CRACR2A: variants seen among roughly 807,000 people sequenced by gnomAD.
The protein encoded by CRACR2A is EF-hand calcium-binding domain-containing protein 4B.
CRACR2A carries 79 observed loss-of-function variants against 90.5 expected under a neutral mutation model. That is an observed-to-expected ratio of 0.87 (90% CI 0.73 to 1.05). The LOEUF is 1.05. Among genes scored for constraint, CRACR2A ranks in the 50% least tolerant of loss-of-function variants. CRACR2A has a pLI of 0.00. For missense variants in CRACR2A, 823 were observed against 897.2 expected (o/e 0.92, Z 1.06); for synonymous variants, 338 against 356.7 (o/e 0.95, Z 0.59).
chr12:3,692,726 T>A (rs772748686), intron 4 of CRACR2A, among the ~76,000 whole-genome samples: 124 of 152,108 alleles, frequency 8.2e-4, no homozygotes, highest in Non-Finnish European at 1.5e-3. Flanking sequence ...TGCCTCTGTG[T>A]GGGTGTTCAG....
intron 12 of CRACR2A, among the ~76,000 whole-genome samples, chr12:3,642,667 T>C (rs1166123897): frequency 6.6e-6 from 1 of 152,260 alleles, no homozygotes; most frequent in Non-Finnish European, 1.5e-5. Flanking sequence ...CTCAGTGTTC[T>C]GTCCTGAGCT....
At chr12:3,653,070 C>T (rs566465985) in intron 10 of CRACR2A, among the ~76,000 whole-genome samples, 1 of 149,950 alleles carries the variant, frequency 6.7e-6, no homozygotes, top group Non-Finnish European at 1.5e-5. Context: ...GTAACCTCTG[C>T]CTCCCAGGTT....
intron 6 of CRACR2A, 133 bp from the exon 7 acceptor site, chr12:3,673,725 T>C: frequency 8.8e-7 from 1 of 1,130,980 alleles, no homozygotes; most frequent in African/African-American, 1.6e-5. Context: ...GTAGCTAACG[T>C]GGACCGAATG....
At chr12:3,720,119 CAAGA>C (rs200436404) in intron 2 of CRACR2A, among the ~76,000 whole-genome samples, 3 of 125,284 alleles carry the variant, frequency 2.4e-5, no homozygotes, top group African/African-American at 9.2e-5. Flanking sequence ...AACTCTATCT[CAAGA>C]AAGAAAGAAA....
chr12:3,615,996 C>T (rs1867673214), intron 19 of CRACR2A, among the ~76,000 whole-genome samples: 1 of 152,252 alleles, frequency 6.6e-6, no homozygotes, highest in African/African-American at 2.4e-5. Flanking sequence ...CCTGTCTCTT[C>T]TCTATACTTT....
chr12:3,743,203 C>A lies in CRACR2A; in HGVS notation c.-387+9812G>T, dbSNP rs185439854. On this transcript the variant is annotated intron_variant, in intron 1 of 19. Transcript: ENST00000440314. Reference sequence around the variant, plus strand: ...ACGTTTAGTTTGCGATGTGTGACTACGTAATGGAAGCTGAGTAACTTTTCT... The same window carrying A: ...ACGTTTAGTTTGCGATGTGTGACTAAGTAATGGAAGCTGAGTAACTTTTCT... Among the ~76,000 whole-genome samples, 8 of 152,292 alleles carry A rather than the reference C, an allele frequency of 5.3e-5. No individual in the cohort carries two copies. The East Asian group carries it at 1.5e-3, about 29-fold the overall frequency.
intron 3 of CRACR2A, among the ~76,000 whole-genome samples, chr12:3,712,309 G>C (rs1175508860): frequency 6.6e-6 from 1 of 152,088 alleles, no homozygotes; most frequent in Non-Finnish European, 1.5e-5. Context: ...AAATACTCGA[G>C]ACTGGGTAAT....
At chr12:3,752,610 C>T (rs996497773) in intron 1 of CRACR2A, 1 of 152,510 alleles carries the variant, frequency 6.6e-6, no homozygotes, top group African/African-American at 2.4e-5. Context: ...GTGGCCAGGG[C>T]TCCTAGTAGC....
chr12:3,641,961 T>C, intron 12 of CRACR2A, 123 bp from the exon 13 acceptor site: 2 of 800,446 alleles, frequency 2.5e-6, no homozygotes, highest in South Asian at 3.4e-5. Flanking sequence ...GAGTAGGCAG[T>C]GTTCTGGTCT....
At chr12:3,661,284 C>T (rs1945030257) in intron 7 of CRACR2A, among the ~76,000 whole-genome samples, 1 of 152,196 alleles carries the variant, frequency 6.6e-6, no homozygotes, top group South Asian at 2.1e-4. Flanking sequence ...GACAAAGGAA[C>T]AGTGTGTGAG....
At chr12:3,717,193 T>C (rs1168238013) in intron 2 of CRACR2A, among the ~76,000 whole-genome samples, 3 of 152,168 alleles carry the variant, frequency 2.0e-5, no homozygotes, top group South Asian at 2.1e-4. Context: ...CAGCAGTCGA[T>C]GGGCCTTCTC....
At chr12:3,685,259 G>T (rs1808971160) in intron 4 of CRACR2A, among the ~76,000 whole-genome samples, 1 of 152,220 alleles carries the variant, frequency 6.6e-6, no homozygotes, top group Non-Finnish European at 1.5e-5. Flanking sequence ...CTCTAAGACA[G>T]GACAGACAAC....
rs1264145134 is a variant in CRACR2A at position 3,673,496 on chromosome 12, C to G, written c.621G>C (p.Gln207His). 1 of 1,614,066 alleles carries G rather than the reference C, an allele frequency of 6.2e-7. No individual in the cohort carries two copies. The highest frequency in any genetic ancestry group is 1.3e-5 in the African/African-American group (1 of 74,928). ...FEDFLTRIIS[Q>H]LQEAHEEKNE... The stretch of plus-strand genomic sequence containing the variant: ...TCTTCTCCTCATGGGCTTCTTGGAG[C>G]TGGGAGATGATTCTGGTCAGGAAGT... The change falls in exon 7 of 20, where the codon CAG becomes CAC. Residue 207 changes from glutamine (Q) to histidine (H), a missense_variant. Physicochemically the swap from Gln to His is conservative, Grantham distance 24. Transcript: ENST00000440314.
chr12:3,744,462 G>A (rs1275343651), intron 1 of CRACR2A, among the ~76,000 whole-genome samples: 1 of 152,190 alleles, frequency 6.6e-6, no homozygotes, highest in African/African-American at 2.4e-5. Context: ...AGATGAAGCA[G>A]GAAGAATCAG....
At chr12:3,643,397 G>A (rs1464926611) in intron 12 of CRACR2A, among the ~76,000 whole-genome samples, 1 of 152,170 alleles carries the variant, frequency 6.6e-6, no homozygotes, top group Non-Finnish European at 1.5e-5. Flanking sequence ...AAAGATTCCT[G>A]TTGTATGGAG....
chr12:3,639,140 C>G (rs987378495), intron 13 of CRACR2A, among the ~76,000 whole-genome samples: 3 of 152,180 alleles, frequency 2.0e-5, no homozygotes, highest in Admixed American at 6.5e-5. Flanking sequence ...AGGCAGCTTC[C>G]CCCTAGACAA....
intron 17 of CRACR2A, 147 bp downstream of exon 17, chr12:3,627,289 G>A (rs1226548825): frequency 3.1e-6 from 2 of 644,378 alleles, no homozygotes; most frequent in African/African-American, 3.7e-5. Context: ...ACGAACAGAG[G>A]AACACATGCC....
At chr12:3,703,725 A>G (rs1945870872) in intron 3 of CRACR2A, among the ~76,000 whole-genome samples, 3 of 152,252 alleles carry the variant, frequency 2.0e-5, no homozygotes, top group African/African-American at 7.2e-5. Flanking sequence ...AAACTCATTA[A>G]TAAGAAAACA....
intron 4 of CRACR2A, among the ~76,000 whole-genome samples, chr12:3,690,011 C>A (rs1298553705): frequency 6.6e-6 from 1 of 151,902 alleles, no homozygotes; most frequent in Non-Finnish European, 1.5e-5. Context: ...TTTGCCATTA[C>A]TAATTGTGTT....
Sources: allele counts gnomAD v4.1 joint callset (sites outside exome capture counted in the v4.1 genomes callset), GRCh38; gene constraint gnomAD v4.1.1; transcripts MANE v1.5; gene names NCBI Gene and HGNC (gene_info 2026-07-23, HGNC 2026-07-21).